ST7: variants seen among roughly 807,000 people sequenced by gnomAD.
The protein encoded by ST7 is suppressor of tumorigenicity 7 protein.
In ST7, 28 loss-of-function variants were observed where a neutral mutation model predicts 78.7. The ratio of observed to expected loss-of-function variants is 0.36; its 90% CI spans 0.26 to 0.49. The LOEUF (loss-of-function observed/expected upper bound fraction) is 0.49. ST7 is among the 20% of genes least tolerant of loss of function. ST7 has a pLI of 0.99. For synonymous variants in ST7, 247 were observed against 249.6 expected, an observed-to-expected ratio of 0.99 and a Z score of 0.10; for missense variants, 418 against 696.0, an observed-to-expected ratio of 0.60 and a Z score of 4.49.
At chr7:117,117,726 G>A (rs948400593) in intron 2 of ST7, among the ~76,000 whole-genome samples, 9 of 152,150 alleles carry the variant, frequency 5.9e-5, no homozygotes, top group African/African-American at 2.2e-4. Context: ...GGAGGGATGT[G>A]CATCATTAAC....
chr7:117,192,868 A>T (rs1049145059), intron 12 of ST7, among the ~76,000 whole-genome samples: 1 of 152,194 alleles, frequency 6.6e-6, no homozygotes, highest in African/African-American at 2.4e-5. Context: ...GCAAAATAGA[A>T]TTATCCTAAA....
intron 2 of ST7, among the ~76,000 whole-genome samples, chr7:117,115,183 C>T (rs1473656236): frequency 1.3e-5 from 2 of 152,078 alleles, no homozygotes; most frequent in African/African-American, 4.8e-5. Flanking sequence ...ATATACCTAA[C>T]CTGCACCTCC....
At chr7:116,966,104 T>A in intron 1 of ST7, 1 of 466,134 alleles carries the variant, frequency 2.1e-6, no homozygotes, top group Non-Finnish European at 4.4e-6. Flanking sequence ...TTTAACATGT[T>A]TTCTTCTGTC....
At chr7:116,967,705 A>G in intron 1 of ST7, among the ~76,000 whole-genome samples, 1 of 152,236 alleles carries the variant, frequency 6.6e-6, no homozygotes, top group East Asian at 1.9e-4. Context: ...ATTAAATGAG[A>G]TACTATGAAA....
intron 1 of ST7, among the ~76,000 whole-genome samples, chr7:117,068,229 CT>C (rs1446466736): frequency 1.3e-5 from 2 of 151,006 alleles, no homozygotes; most frequent in Non-Finnish European, 3.0e-5. Flanking sequence ...ATATATTTTT[CT>C]TTTTTTTTCT....
intron 1 of ST7, chr7:116,954,283 C>T (rs1792321956): frequency 6.6e-6 from 1 of 152,210 alleles, no homozygotes; most frequent in Non-Finnish European, 1.5e-5. Flanking sequence ...GGGGCTGTCT[C>T]TCTGGTTGGG....
chr7:116,983,331 G>C (rs1794043451), intron 1 of ST7, among the ~76,000 whole-genome samples: 1 of 152,036 alleles, frequency 6.6e-6, no homozygotes, highest in African/African-American at 2.4e-5. Context: ...AATCAGAAAT[G>C]TGGGTCCCAT....
intron 1 of ST7, among the ~76,000 whole-genome samples, chr7:117,049,506 G>C (rs1238658653): frequency 2.0e-5 from 3 of 152,126 alleles, no homozygotes; most frequent in African/African-American, 7.2e-5. Context: ...GCTTTAAGTT[G>C]TCGTGTAATG....
At chr7:117,027,463 A>AAAGTAAAGTAAAGTAAAGT (rs61692677) in intron 1 of ST7, among the ~76,000 whole-genome samples, 4 of 140,630 alleles carry the variant, frequency 2.8e-5, no homozygotes, top group South Asian at 2.3e-4. Context: ...AAAGTAAAGT[A>AAAGTAAAGTAAAGTAAAGT]AAAGTAAAGT....
At chr7:117,145,431 T>C (rs1805689043) in intron 9 of ST7, 1 of 152,204 alleles carries the variant, frequency 6.6e-6, no homozygotes, top group African/African-American at 2.4e-5. Context: ...ACAAGGCAGG[T>C]GGCAGAGCCG....
intron 12 of ST7, chr7:117,199,063 C>G (rs1249185085): frequency 6.6e-6 from 1 of 152,136 alleles, no homozygotes; most frequent in Non-Finnish European, 1.5e-5. Context: ...CTATTTGCTT[C>G]ATTCCCAGGG....
intron 9 of ST7, among the ~76,000 whole-genome samples, chr7:117,163,008 G>C (rs1033823004): frequency 3.9e-5 from 6 of 152,106 alleles, no homozygotes; most frequent in African/African-American, 1.4e-4. Context: ...TTCTCCATAG[G>C]AATGAGAACA....
chr7:117,207,149 AT>A (rs34923443), intron 12 of ST7, among the ~76,000 whole-genome samples: 88,938 of 144,534 alleles, frequency 0.62, 27,571 homozygotes, highest in East Asian at 0.88. Flanking sequence ...GTTTCTTTTC[AT>A]TTTTTTTTTT....
intron 6 of ST7, among the ~76,000 whole-genome samples, chr7:117,133,059 C>T (rs751053802): frequency 1.3e-4 from 19 of 151,884 alleles, no homozygotes; most frequent in Non-Finnish European, 2.5e-4. Flanking sequence ...ATTAAGCTAG[C>T]ACAATCTGAT....
chr7:117,075,223 C>T (rs993916079), intron 1 of ST7, among the ~76,000 whole-genome samples: 1 of 152,012 alleles, frequency 6.6e-6, no homozygotes, highest in African/African-American at 2.4e-5. Flanking sequence ...GGCCAGTATC[C>T]TTAATGTTAC....
chr7:117,162,708 A>G (rs527556936), intron 9 of ST7, among the ~76,000 whole-genome samples: 1 of 152,032 alleles, frequency 6.6e-6, no homozygotes, highest in Admixed American at 6.6e-5. Flanking sequence ...TAATATCATT[A>G]TGAAACTTCT....
intron 15 of ST7, chr7:117,223,933 G>C: frequency 1.0e-6 from 1 of 974,906 alleles, no homozygotes; most frequent in South Asian, 4.8e-5. Context: ...TCTGCAGAAA[G>C]AATCAATGGA....
intron 1 of ST7, among the ~76,000 whole-genome samples, chr7:117,034,698 A>T (rs1027694731): frequency 6.6e-6 from 1 of 152,192 alleles, no homozygotes; most frequent in Non-Finnish European, 1.5e-5. Context: ...AGTCATGCAT[A>T]TAAGTTCTTT....
intron 9 of ST7, among the ~76,000 whole-genome samples, chr7:117,141,079 C>T (rs1805251308): frequency 6.6e-6 from 1 of 152,186 alleles, no homozygotes; most frequent in African/African-American, 2.4e-5. Context: ...ACAGCATGCA[C>T]ATAAACCATT....
Sources: allele counts gnomAD v4.1 joint callset (sites outside exome capture counted in the v4.1 genomes callset), GRCh38; gene constraint gnomAD v4.1.1; transcripts MANE v1.5; gene names NCBI Gene and HGNC (gene_info 2026-07-23, HGNC 2026-07-21).